RBFOX1: variants seen among roughly 807,000 people sequenced by gnomAD.
RBFOX1 encodes RNA binding fox-1 homolog 1.
RBFOX1 carries 8 observed loss-of-function variants against 57.7 expected under a neutral mutation model. The observed-to-expected ratio is 0.14, with a 90% CI of 0.08 to 0.25. The LOEUF (loss-of-function observed/expected upper bound fraction) is 0.25. RBFOX1 is among the 10% of genes least tolerant of loss of function. The pLI is 1.00. For missense variants in RBFOX1, 611 were observed against 548.5 expected (o/e 1.11, Z -1.14); for synonymous variants, 326 against 222.4 (o/e 1.47, Z -4.15).
At chr16:5,408,459 C>T (rs997923145) in intron 1 of RBFOX1, among the ~76,000 whole-genome samples, 2 of 152,158 alleles carry the variant, frequency 1.3e-5, no homozygotes, top group Non-Finnish European at 2.9e-5. Context: ...CTGAAGTCTG[C>T]ACTCTGTGCT....
At chr16:6,610,053 T>C (rs2154023661) in intron 2 of RBFOX1, among the ~76,000 whole-genome samples, 1 of 131,962 alleles carries the variant, frequency 7.6e-6, no homozygotes, top group Middle Eastern at 3.9e-3. Context: ...AAAAACCCAC[T>C]AACAATGATG....
intron 2 of RBFOX1, among the ~76,000 whole-genome samples, chr16:6,379,771 T>C (rs895438188): frequency 1.5e-4 from 23 of 151,862 alleles, no homozygotes; most frequent in Admixed American, 1.2e-3. Flanking sequence ...AAATCATTGA[T>C]GAGAAACTAG....
chr16:5,931,169 C>T (rs190626843), intron 4 of RBFOX1, among the ~76,000 whole-genome samples: 10 of 152,234 alleles, frequency 6.6e-5, no homozygotes, highest in East Asian at 1.9e-4. Context: ...TTAGGCTCCA[C>T]CTGGTTACCC....
At chr16:6,696,959 T>C (rs1232151140) in intron 3 of RBFOX1, among the ~76,000 whole-genome samples, 1 of 152,198 alleles carries the variant, frequency 6.6e-6, no homozygotes, top group African/African-American at 2.4e-5. Flanking sequence ...CTGTAGCCTC[T>C]AGTTGATTAT....
At chr16:7,665,660 C>T (rs934079776) in intron 13 of RBFOX1, among the ~76,000 whole-genome samples, 13 of 151,952 alleles carry the variant, frequency 8.6e-5, no homozygotes, top group Non-Finnish European at 1.6e-4. Flanking sequence ...AGTTATTCTC[C>T]GACATTATGA....
intron 3 of RBFOX1, among the ~76,000 whole-genome samples, chr16:7,015,382 G>A (rs1224082165): frequency 1.3e-5 from 2 of 152,104 alleles, no homozygotes; most frequent in African/African-American, 4.8e-5. Context: ...CCTCAGAGTT[G>A]GCAAAAACAA....
intron 3 of RBFOX1, among the ~76,000 whole-genome samples, chr16:6,837,621 C>G (rs186695893): frequency 6.6e-5 from 10 of 152,142 alleles, no homozygotes; most frequent in African/African-American, 2.4e-4. Context: ...TTGGGCAAGT[C>G]GCTCAATCTC....
At chr16:6,926,860 T>C (rs533873911) in intron 3 of RBFOX1, among the ~76,000 whole-genome samples, 2 of 152,178 alleles carry the variant, frequency 1.3e-5, no homozygotes, top group South Asian at 4.2e-4. Context: ...ACGTGACTCT[T>C]TTTATTTTTC....
intron 3 of RBFOX1, among the ~76,000 whole-genome samples, chr16:6,806,132 G>C (rs529076842): frequency 2.1e-4 from 32 of 152,276 alleles, no homozygotes; most frequent in African/African-American, 7.5e-4. Flanking sequence ...AGATGATTTA[G>C]AGTGGAATTA....
Position 7,166,719 on chromosome 16 carries a change from C to G in RBFOX1, c.27+114621C>G, listed in dbSNP as rs151026302. Among the ~76,000 whole-genome samples, 486 of 152,160 alleles carry G rather than the reference C, an allele frequency of 3.2e-3. 4 individuals carry two copies. Among genetic ancestry groups the G allele is most frequent in the African/African-American group, 0.011 (462 of 41,512 alleles). On this transcript the variant is annotated intron_variant, in intron 4 of 15. Coordinates refer to ENST00000550418, the MANE Select transcript of RBFOX1 (RefSeq NM_018723.4). ...AGCCGATGCACTAGGATGACTCTAA[C>G]CGGCATGTCAAGGCAGACTTCAGCA...
In RBFOX1 at chr16:5,924,272, A is replaced by T. The variant is rs371810086; in HGVS notation, c.351+56937A>T. Among the ~76,000 whole-genome samples, 10 of 152,242 alleles carry T rather than the reference A, an allele frequency of 6.6e-5. No individual in the cohort carries two copies. The East Asian group carries it at 1.5e-3, about 24-fold the overall frequency. Reference sequence around the variant, plus strand: ...AGTGTCAGGTATTTCTTCATAGCAGAGTAAGAATGGACTAATACACCTACT... The same window carrying T: ...AGTGTCAGGTATTTCTTCATAGCAGTGTAAGAATGGACTAATACACCTACT... On this transcript the variant is annotated intron_variant, in intron 4 of 19. Transcript: ENST00000641259.
chr16:7,183,843 C>A (rs531229913), intron 4 of RBFOX1, among the ~76,000 whole-genome samples: 2 of 152,278 alleles, frequency 1.3e-5, no homozygotes, highest in South Asian at 4.2e-4. Flanking sequence ...GTTTTAGGTA[C>A]CATTCGTATC....
At chr16:6,202,546 C>T (rs2097221798) in intron 1 of RBFOX1, among the ~76,000 whole-genome samples, 1 of 151,998 alleles carries the variant, frequency 6.6e-6, no homozygotes, top group African/African-American at 2.4e-5. Context: ...TATGGAAATG[C>T]TTAACAGTAT....
chr16:7,006,073 A>T (rs189559660), intron 3 of RBFOX1, among the ~76,000 whole-genome samples: 53 of 152,320 alleles, frequency 3.5e-4, no homozygotes, highest in African/African-American at 1.3e-3. Context: ...ATAGGTAGTA[A>T]ACCCTACTTT....
chr16:7,535,119 G>C (rs1342112499), intron 5 of RBFOX1, among the ~76,000 whole-genome samples: 1 of 152,146 alleles, frequency 6.6e-6, no homozygotes, highest in East Asian at 1.9e-4. Context: ...ATTCCCTTGT[G>C]CATGGCTATG....
intron 3 of RBFOX1, among the ~76,000 whole-genome samples, chr16:6,901,431 C>A (rs893258644): frequency 2.6e-5 from 4 of 152,110 alleles, no homozygotes; most frequent in African/African-American, 9.7e-5. Context: ...AACACAGAGT[C>A]CAAGAGGTCA....
At chr16:6,233,655 C>G (rs1037179962) in intron 1 of RBFOX1, among the ~76,000 whole-genome samples, 1 of 152,130 alleles carries the variant, frequency 6.6e-6, no homozygotes, top group Admixed American at 6.5e-5. Flanking sequence ...GCCACCCAGC[C>G]TGGAGCACAG....
rs967575786 is a variant in RBFOX1 at position 6,502,498 on chromosome 16, T to C, written c.-63-152105T>C. ...TAGGATGGCAGTATAACCCATCTAC[T>C]ATTTTAAGGATTGTACGACATTCTG... On this transcript the variant is annotated intron_variant, in intron 2 of 15. Coordinates refer to ENST00000550418, the MANE Select transcript of RBFOX1 (RefSeq NM_018723.4). Among the ~76,000 whole-genome samples, 3 of 152,190 alleles carry C rather than the reference T, an allele frequency of 2.0e-5. No homozygotes were observed. The East Asian group carries it at 5.8e-4, about 29-fold the overall frequency.
At chr16:6,934,822 C>T (rs945572734) in intron 3 of RBFOX1, among the ~76,000 whole-genome samples, 1 of 152,002 alleles carries the variant, frequency 6.6e-6, no homozygotes, top group Non-Finnish European at 1.5e-5. Flanking sequence ...GCGGTGGCTC[C>T]TGCAGGTAAT....
Sources: allele counts gnomAD v4.1 joint callset (sites outside exome capture counted in the v4.1 genomes callset), GRCh38; gene constraint gnomAD v4.1.1; transcripts MANE v1.5; gene names NCBI Gene and HGNC (gene_info 2026-07-23, HGNC 2026-07-21).